Variants in MYO3A observed in about 807,000 individuals in gnomAD.
MYO3A encodes the protein myosin-IIIa.
A neutral mutation model predicts 192.7 loss-of-function variants in MYO3A; 180 were observed. That is an observed-to-expected ratio of 0.93 (90% CI 0.83 to 1.06). The LOEUF (loss-of-function observed/expected upper bound fraction) is 1.06, where lower values mean the gene tolerates loss of function less well. MYO3A is among the 50% of genes least tolerant of loss of function. The pLI, the probability that MYO3A is intolerant of heterozygous loss-of-function variation, is 0.00. For synonymous variants in MYO3A, 628 were observed against 645.3 expected, an observed-to-expected ratio of 0.97 and a Z score of 0.41; for missense variants, 1,896 against 1,905.0, an observed-to-expected ratio of 1.00 and a Z score of 0.09.
intron 20 of MYO3A, among the ~76,000 whole-genome samples, chr10:26,133,116 ATTATT>A (rs1839635697): frequency 6.6e-6 from 1 of 152,222 alleles, no homozygotes; most frequent in African/African-American, 2.4e-5. Context: ...AGTGTGAATT[ATTATT>A]TTAAGTTCAA....
Position 26,166,182 on chromosome 10 carries a change from A to G in MYO3A, c.3111+4A>G. 6.3e-7 allele frequency: 1 copy of G among 1,587,184 alleles called. No homozygotes were observed. The highest frequency in any genetic ancestry group is 8.7e-7 in the Non-Finnish European group (1 of 1,156,000). ...CTGGGCTCTTGGAAAAACAAAAGTAATGTTTTCATGTAATTTTCAGGAAAA... is the reference window on the plus strand; with the variant it reads ...CTGGGCTCTTGGAAAAACAAAAGTAGTGTTTTCATGTAATTTTCAGGAAAA... On this transcript the variant is annotated splice_donor_region_variant and intron_variant, in intron 27 of 34. Coordinates refer to ENST00000642920, the MANE Select transcript of MYO3A (RefSeq NM_017433.5).
rs1546700 is a variant in MYO3A at position 25,955,160 on chromosome 10, T to A, written c.303+152T>A. ...TGTTGTGCCTAGTTTTGGCCTTGCCTTCTTAAGAAACATCAAAAAATTGAA... is the reference window on the plus strand; with the variant it reads ...TGTTGTGCCTAGTTTTGGCCTTGCCATCTTAAGAAACATCAAAAAATTGAA... On this transcript the variant is annotated intron_variant, in intron 4 of 34. Coordinates refer to ENST00000642920, the MANE Select transcript of MYO3A (RefSeq NM_017433.5). 0.13 allele frequency: 136,019 copies of A among 1,069,960 alleles called. 10,637 individuals are homozygous for A. Among genetic ancestry groups the A allele is most frequent in the African/African-American group, 0.23 (14,136 of 62,738 alleles). The allele number at this position is 1,069,960 out of a possible 1,614,324, so 66.3% of individuals were successfully genotyped here.
chr10:26,174,802 G>A (rs563317882), intron 30 of MYO3A, among the ~76,000 whole-genome samples: 2 of 152,138 alleles, frequency 1.3e-5, no homozygotes, highest in South Asian at 4.2e-4. Flanking sequence ...CTAGAGATTG[G>A]TTTATACAGC....
intron 4 of MYO3A, among the ~76,000 whole-genome samples, chr10:25,982,806 C>A (rs546453977): frequency 6.6e-6 from 1 of 152,272 alleles, no homozygotes; most frequent in African/African-American, 2.4e-5. Context: ...GCCCCTAAAT[C>A]CCTGATCTTC....
intron 31 of MYO3A, among the ~76,000 whole-genome samples, chr10:26,184,883 A>C (rs1308435152): frequency 1.3e-5 from 2 of 152,254 alleles, no homozygotes; most frequent in African/African-American, 4.8e-5. Context: ...TTAAGGGGTT[A>C]GGATGAGGTT....
intron 14 of MYO3A, among the ~76,000 whole-genome samples, chr10:26,084,695 G>A (rs1836194531): frequency 6.6e-6 from 1 of 152,060 alleles, no homozygotes; most frequent in Non-Finnish European, 1.5e-5. Flanking sequence ...GTACAGATGA[G>A]GTCTCACTTT....
chr10:26,037,915 G>T (rs892705923), intron 10 of MYO3A, among the ~76,000 whole-genome samples: 2 of 152,108 alleles, frequency 1.3e-5, no homozygotes, highest in Admixed American at 1.3e-4. Flanking sequence ...CTCCCACAGG[G>T]TCCCTCCCCC....
chr10:26,070,196 T>C lies in MYO3A; in HGVS notation c.1256T>C (p.Ile419Thr), dbSNP rs772679887. The part of the protein sequence containing the change: ...AMADLGYQSM[I>T]TYNSDQCIVI... The stretch of plus-strand genomic sequence containing the variant: ...GCTGACTTAGGATATCAATCTATGA[T>C]AACATATAATTCAGATCAGGTAAGA... Residue 419 changes from isoleucine (I) to threonine (T), a missense_variant, in exon 13 of 35, where the codon ATA (isoleucine) becomes ACA (threonine). Transcript: ENST00000642920. 3.2e-5 allele frequency: 51 copies of C among 1,610,362 alleles called. No individual in the cohort carries two copies. The East Asian group carries it at 1.1e-3, about 34-fold the overall frequency.
intron 17 of MYO3A, among the ~76,000 whole-genome samples, chr10:26,103,478 G>C (rs1026574682): frequency 1.3e-5 from 2 of 152,196 alleles, no homozygotes; most frequent in Admixed American, 6.5e-5. Context: ...GCTGGGAGCT[G>C]TAGACTGGAG....
At chr10:26,168,941 C>G in intron 28 of MYO3A, 67 bp downstream of exon 28, 1 of 1,467,092 alleles carries the variant, frequency 6.8e-7, no homozygotes, top group African/African-American at 1.4e-5. Context: ...TACAGGCAAA[C>G]CTCCAATTCT....
intron 4 of MYO3A, among the ~76,000 whole-genome samples, chr10:25,959,397 AC>A (rs1837774980): frequency 6.6e-6 from 1 of 152,126 alleles, no homozygotes; most frequent in South Asian, 2.1e-4. Context: ...AAAAACATAG[AC>A]CCAGTTTAGT....
At chr10:25,960,662 C>G (rs749074989) in intron 4 of MYO3A, among the ~76,000 whole-genome samples, 14 of 152,100 alleles carry the variant, frequency 9.2e-5, no homozygotes, top group Non-Finnish European at 1.8e-4. Context: ...AGTGGATCAT[C>G]ATAAAGGTCT....
chr10:26,014,209 T>C (rs1841843511), intron 6 of MYO3A, among the ~76,000 whole-genome samples: 1 of 152,040 alleles, frequency 6.6e-6, no homozygotes, highest in Non-Finnish European at 1.5e-5. Flanking sequence ...CACTAAAGTC[T>C]CAGAATCTAC....
At position 25,955,019 on chromosome 10, in the gene MYO3A, C is replaced by A; in HGVS notation, c.303+11C>A. 2 of 1,612,348 alleles carry A rather than the reference C, an allele frequency of 1.2e-6. No individual in the cohort carries two copies. The highest frequency in any genetic ancestry group is 2.2e-5 in the South Asian group (2 of 90,986). On this transcript the variant is annotated intron_variant, in intron 4 of 34. Coordinates refer to ENST00000642920, the MANE Select transcript of MYO3A (RefSeq NM_017433.5). ...TGGTTGGTTCTTGAGGTAAGTGTGT[C>A]AGCATCATTTGTATGGGTGGAAACT...
intron 34 of MYO3A, among the ~76,000 whole-genome samples, chr10:26,210,808 A>G (rs1844188580): frequency 6.6e-6 from 1 of 151,998 alleles, no homozygotes; most frequent in Admixed American, 6.6e-5. Context: ...CTTGAACACG[A>G]TGTGTACACT....
intron 4 of MYO3A, among the ~76,000 whole-genome samples, chr10:25,982,572 G>A: frequency 6.6e-6 from 1 of 152,156 alleles, no homozygotes; most frequent in East Asian, 1.9e-4. Flanking sequence ...CTCCACCAGT[G>A]CAGGTATCCA....
At chr10:25,971,502 A>C (rs780378548) in intron 4 of MYO3A, among the ~76,000 whole-genome samples, 1 of 152,050 alleles carries the variant, frequency 6.6e-6, no homozygotes, top group Admixed American at 6.6e-5. Context: ...CATTCTAAAA[A>C]ATTTCCTTTA....
intron 10 of MYO3A, among the ~76,000 whole-genome samples, chr10:26,045,172 G>A (rs1243496057): frequency 1.3e-5 from 2 of 152,208 alleles, no homozygotes; most frequent in African/African-American, 4.8e-5. Flanking sequence ...GGAGACCAAT[G>A]TCCAGCTAAG....
intron 17 of MYO3A, among the ~76,000 whole-genome samples, chr10:26,115,923 A>G (rs183016119): frequency 1.3e-5 from 2 of 152,358 alleles, no homozygotes; most frequent in Admixed American, 1.3e-4. Flanking sequence ...AATTAAAGTC[A>G]TAAGTGTAAT....
Sources: gnomAD v4.1 joint callset for allele counts (sites outside exome capture counted in the v4.1 genomes callset) on GRCh38, gnomAD v4.1.1 for gene constraint, MANE v1.5 for transcripts, NCBI Gene and HGNC (gene_info 2026-07-23, HGNC 2026-07-21) for gene names.